The following C1orf185 variants were observed in gnomAD, a reference collection of about 807,000 sequenced individuals.
The protein encoded by C1orf185 is uncharacterized protein C1orf185.
In C1orf185, 13 loss-of-function variants were observed where a neutral mutation model predicts 16.1. The ratio of observed to expected loss-of-function variants is 0.81; its 90% CI spans 0.53 to 1.28. The LOEUF (loss-of-function observed/expected upper bound fraction) is 1.28, where lower values mean the gene tolerates loss of function less well. Among genes scored for constraint, C1orf185 ranks in the 50% most tolerant of loss-of-function variants. The pLI is 0.00. For missense variants in C1orf185, 220 were observed against 225.2 expected, an observed-to-expected ratio of 0.98 and a Z score of 0.15; for synonymous variants, 80 against 76.9, an observed-to-expected ratio of 1.04 and a Z score of -0.21.
intron 3 of C1orf185, among the ~76,000 whole-genome samples, chr1:51,121,399 T>C (rs967723640): frequency 2.0e-5 from 3 of 152,164 alleles, no homozygotes; most frequent in Admixed American, 6.5e-5. Context: ...TTCTTTCACT[T>C]AATATAATGT....
At chr1:51,132,164 G>A (rs1646290222) in intron 3 of C1orf185, among the ~76,000 whole-genome samples, 1 of 152,128 alleles carries the variant, frequency 6.6e-6, no homozygotes, top group Admixed American at 6.6e-5. Context: ...CAAAAACCCT[G>A]ACAATTCAAA....
At chr1:51,103,241 A>G (rs1475508167) in intron 1 of C1orf185, among the ~76,000 whole-genome samples, 1 of 152,020 alleles carries the variant, frequency 6.6e-6, no homozygotes, top group African/African-American at 2.4e-5. Context: ...TTCCATCTCT[A>G]CAAAAAATTT....
At chr1:51,107,940 G>C (rs1646085988) in intron 1 of C1orf185, among the ~76,000 whole-genome samples, 1 of 152,162 alleles carries the variant, frequency 6.6e-6, no homozygotes, top group South Asian at 2.1e-4. Context: ...ATGTCAAGTA[G>C]TGCTCCTATA....
At chr1:51,148,381 C>G (rs1423185525), downstream of C1orf185, among the ~76,000 whole-genome samples, 1 of 152,070 alleles carries the variant, frequency 6.6e-6, no homozygotes, top group Non-Finnish European at 1.5e-5. Context: ...CCTTGGCCTC[C>G]CAAAGTGCTG....
At chr1:51,131,007 A>G (rs748534172) in intron 3 of C1orf185, among the ~76,000 whole-genome samples, 5 of 152,126 alleles carry the variant, frequency 3.3e-5, no homozygotes, top group Non-Finnish European at 5.9e-5. Context: ...GGTTCAAGCA[A>G]TTCTCCTGCC....
intron 3 of C1orf185, among the ~76,000 whole-genome samples, chr1:51,122,053 G>A (rs768339765): frequency 1.6e-4 from 25 of 151,638 alleles, no homozygotes; most frequent in Non-Finnish European, 3.2e-4. Flanking sequence ...TTCCTTTTTT[G>A]TGCAGTATTG....
intron 3 of C1orf185, among the ~76,000 whole-genome samples, chr1:51,122,942 T>C (rs1646208603): frequency 6.6e-6 from 1 of 152,234 alleles, no homozygotes; most frequent in African/African-American, 2.4e-5. Context: ...TGTCTTAGTC[T>C]GTTTTCTGTT....
chr1:51,138,875 G>A (rs1646345195), intron 3 of C1orf185, among the ~76,000 whole-genome samples: 1 of 151,800 alleles, frequency 6.6e-6, no homozygotes, highest in Non-Finnish European at 1.5e-5. Flanking sequence ...TTTAGCAGAG[G>A]TGGGGTTTCA....
At chr1:51,143,535 T>C (rs1342862895) in intron 3 of C1orf185, among the ~76,000 whole-genome samples, 1 of 152,266 alleles carries the variant, frequency 6.6e-6, no homozygotes. Flanking sequence ...CCCATCATTT[T>C]TTGAATTATT....
chr1:51,126,976 T>C (rs1252615287), intron 3 of C1orf185, among the ~76,000 whole-genome samples: 3 of 151,614 alleles, frequency 2.0e-5, no homozygotes, highest in African/African-American at 7.3e-5. Flanking sequence ...TCAATTGGGG[T>C]TTGTTTATTT....
At chr1:51,137,200 C>T (rs1646331693) in intron 3 of C1orf185, among the ~76,000 whole-genome samples, 1 of 152,022 alleles carries the variant, frequency 6.6e-6, no homozygotes, top group Admixed American at 6.6e-5. Context: ...AAATCAAAAC[C>T]ACAATGAGAT....
intron 2 of C1orf185, among the ~76,000 whole-genome samples, chr1:51,112,883 G>A (rs1182873453): frequency 6.6e-6 from 1 of 151,002 alleles, no homozygotes; most frequent in African/African-American, 2.4e-5. Context: ...GCAGTGGCGC[G>A]ATCTTGGCTC....
chr1:51,140,580 T>A (rs1160060114), intron 3 of C1orf185, among the ~76,000 whole-genome samples: 3 of 152,300 alleles, frequency 2.0e-5, no homozygotes, highest in South Asian at 4.1e-4. Context: ...ATTCCCCACA[T>A]GGTTGGTATA....
In C1orf185 at chr1:51,112,547, T is replaced by A. The variant is rs1421548115; in HGVS notation, c.100T>A (p.Trp34Arg). ...IGFFALASAL[W>R]FLICKRREIF... is the part of the protein sequence containing the mutation. ...TTTCTTTGCTTTGGCATCAGCTTTGTGGTTCCTGATTTGCAAACGAAGGTA... is the reference window on the plus strand; with the variant it reads ...TTTCTTTGCTTTGGCATCAGCTTTGAGGTTCCTGATTTGCAAACGAAGGTA... Residue 34 changes from tryptophan to arginine, a missense_variant, in exon 2 of 5, where the codon TGG becomes AGG. By Grantham distance (101) the Trp-to-Arg change is moderately radical. Transcript: ENST00000371759. The A allele has an allele frequency of 1.9e-6, 3 of 1,549,862 alleles. No homozygotes were observed. The highest frequency in any genetic ancestry group is 2.6e-6 in the Non-Finnish European group (3 of 1,146,430).
At chr1:51,108,960 G>A (rs896416774) in intron 1 of C1orf185, among the ~76,000 whole-genome samples, 3 of 151,998 alleles carry the variant, frequency 2.0e-5, no homozygotes, top group African/African-American at 4.8e-5. Flanking sequence ...GCTGAATCAC[G>A]TGGTAGTTTT....
At chr1:51,136,741 A>G (rs982521435) in intron 3 of C1orf185, among the ~76,000 whole-genome samples, 2 of 152,214 alleles carry the variant, frequency 1.3e-5, no homozygotes, top group Non-Finnish European at 2.9e-5. Context: ...TATATCATGT[A>G]CAAAAATTAA....
chr1:51,109,386 T>A (rs570212599), intron 1 of C1orf185, among the ~76,000 whole-genome samples: 1 of 152,352 alleles, frequency 6.6e-6, no homozygotes, highest in East Asian at 1.9e-4. Context: ...GTTGGTTGTT[T>A]CCTTTGCTGT....
chr1:51,150,885 A>G (rs913966697), downstream of C1orf185, among the ~76,000 whole-genome samples: 1 of 152,158 alleles, frequency 6.6e-6, no homozygotes, highest in African/African-American at 2.4e-5. Context: ...TACAGGAAGG[A>G]GTTTAGGGAA....
At chr1:51,112,416 G>A (rs1374939842) in intron 1 of C1orf185, 48 bp from the exon 2 acceptor site, 1 of 1,417,666 alleles carries the variant, frequency 7.1e-7, no homozygotes, top group Non-Finnish European at 9.6e-7. Flanking sequence ...TTTACCTAGA[G>A]AATAAAAATA....
Sources: gnomAD v4.1 joint callset for allele counts (sites outside exome capture counted in the v4.1 genomes callset) on GRCh38, gnomAD v4.1.1 for gene constraint, MANE v1.5 for transcripts, NCBI Gene and HGNC (gene_info 2026-07-23, HGNC 2026-07-21) for gene names.